The following ARID1B variants were observed in gnomAD, a reference collection of about 807,000 sequenced individuals.
ARID1B encodes AT-rich interaction domain 1B, also known as AT-rich interactive domain-containing protein 1B.
In ARID1B, 30 loss-of-function variants were observed where a neutral mutation model predicts 212.3. The observed-to-expected ratio is 0.14, with a 90% CI of 0.11 to 0.19. The LOEUF (loss-of-function observed/expected upper bound fraction) is 0.19, where lower values mean the gene tolerates loss of function less well. Among genes scored for constraint, ARID1B ranks in the 10% least tolerant of loss-of-function variants. ARID1B has a pLI of 1.00. For synonymous variants in ARID1B, 1,402 were observed against 1,301.7 expected, an observed-to-expected ratio of 1.08 and a Z score of -1.66; for missense variants, 2,891 against 3,204.0, an observed-to-expected ratio of 0.90 and a Z score of 2.36.
intron 3 of ARID1B, among the ~76,000 whole-genome samples, chr6:156,906,762 C>T (rs1431761910): frequency 6.6e-6 from 1 of 152,088 alleles, no homozygotes; most frequent in Non-Finnish European, 1.5e-5. Context: ...GCCTCTCCTG[C>T]ATGGGATAGC....
intron 4 of ARID1B, among the ~76,000 whole-genome samples, chr6:156,998,817 A>G (rs1291773479): frequency 6.6e-6 from 1 of 152,232 alleles, no homozygotes; most frequent in Non-Finnish European, 1.5e-5. Flanking sequence ...CTGTGATAAA[A>G]TGGTAACTCC....
intron 1 of ARID1B, among the ~76,000 whole-genome samples, chr6:156,813,004 A>C (rs1781684473): frequency 6.8e-6 from 1 of 147,814 alleles, no homozygotes. Flanking sequence ...ATGTATATAC[A>C]TATATATACA....
chr6:156,979,564 G>GT (rs10707720), intron 4 of ARID1B, among the ~76,000 whole-genome samples: 32,335 of 147,544 alleles, frequency 0.22, 3,714 homozygotes, highest in East Asian at 0.41. Context: ...AGCTGTTGCT[G>GT]TTTTTTTTTT....
At chr6:156,809,718 A>C (rs976210195) in intron 1 of ARID1B, among the ~76,000 whole-genome samples, 1 of 151,228 alleles carries the variant, frequency 6.6e-6, no homozygotes, top group African/African-American at 2.4e-5. Context: ...TCAAAGAAAA[A>C]AAAAAAAAAA....
chr6:156,872,235 A>T (rs1786190908), intron 2 of ARID1B, among the ~76,000 whole-genome samples: 1 of 152,232 alleles, frequency 6.6e-6, no homozygotes, highest in Non-Finnish European at 1.5e-5. Context: ...CAGGTTGCCT[A>T]GGACCTGGCA....
chr6:157,006,089 T>C (rs1457958790), intron 4 of ARID1B, among the ~76,000 whole-genome samples: 1 of 152,142 alleles, frequency 6.6e-6, no homozygotes, highest in African/African-American at 2.4e-5. Context: ...CCTTTGCCCT[T>C]GGTATTCCGT....
chr6:156,929,910 A>C (rs1409095484), intron 3 of ARID1B, among the ~76,000 whole-genome samples: 7 of 134,066 alleles, frequency 5.2e-5, no homozygotes, highest in Admixed American at 4.8e-4. Context: ...TATGCTCTTA[A>C]ATTCTTTTTT....
chr6:157,065,140 C>G (rs1280097503), intron 4 of ARID1B, among the ~76,000 whole-genome samples: 3 of 152,184 alleles, frequency 2.0e-5, no homozygotes, highest in Non-Finnish European at 4.4e-5. Flanking sequence ...ACGTCCCTAT[C>G]TAACCCATAC....
chr6:157,201,168 C>T lies in ARID1B; in HGVS notation c.4943C>T (p.Ser1648Phe). 1 of 1,614,124 alleles carries T rather than the reference C, an allele frequency of 6.2e-7. No homozygotes were observed. The highest frequency in any genetic ancestry group is 8.5e-7 in the Non-Finnish European group (1 of 1,179,990). The change falls in exon 18 of 20, where the codon TCC becomes TTC. Residue 1648 changes from serine to phenylalanine, a missense_variant. Ser to Phe is a radical substitution (Grantham distance 155, BLOSUM62 -2). Coordinates refer to ENST00000636930, the MANE Select transcript of ARID1B (RefSeq NM_001374828.1). This position sits in a 1 kb window ranked among gnomAD's most constrained non-coding sequence, Gnocchi z 5.2. Reference sequence around the variant, plus strand: ...AGCCAGCGTCAGCCTTATATGTCGTCCTCAGCCTCCATGCAGCCCATCACA... The same window carrying T: ...AGCCAGCGTCAGCCTTATATGTCGTTCTCAGCCTCCATGCAGCCCATCACA... ...HVSQRQPYMS[S>F]SASMQPITRP...
At chr6:156,781,968 G>C (rs543138980) in intron 1 of ARID1B, among the ~76,000 whole-genome samples, 1 of 127,706 alleles carries the variant, frequency 7.8e-6, no homozygotes, top group East Asian at 2.2e-4. Flanking sequence ...TGACCCTTGG[G>C]AATAGGCTTT....
At chr6:156,886,238 G>T (rs184037793) in intron 2 of ARID1B, among the ~76,000 whole-genome samples, 2 of 152,248 alleles carry the variant, frequency 1.3e-5, no homozygotes, top group Non-Finnish European at 2.9e-5. Flanking sequence ...TGTCGCCCAG[G>T]CTGGAGTGCA....
intron 2 of ARID1B, among the ~76,000 whole-genome samples, chr6:156,848,828 G>C (rs79833065): frequency 6.6e-6 from 1 of 152,174 alleles, no homozygotes; most frequent in Non-Finnish European, 1.5e-5. Flanking sequence ...CTGCTGCCTC[G>C]CTAAGTCTTA....
At chr6:157,079,333 C>G (rs1784493869) in intron 4 of ARID1B, among the ~76,000 whole-genome samples, 1 of 152,154 alleles carries the variant, frequency 6.6e-6, no homozygotes, top group South Asian at 2.1e-4. Context: ...GACATAAACA[C>G]TATTACAACA....
At chr6:157,157,721 T>C (rs932397169) in intron 8 of ARID1B, among the ~76,000 whole-genome samples, 1 of 152,324 alleles carries the variant, frequency 6.6e-6, no homozygotes, top group Admixed American at 6.5e-5. Flanking sequence ...TGCCATTATA[T>C]AGATTTAAAA....
intron 4 of ARID1B, among the ~76,000 whole-genome samples, chr6:156,970,024 ATTAT>A (rs1476951140): frequency 6.6e-6 from 1 of 151,172 alleles, no homozygotes; most frequent in Non-Finnish European, 1.5e-5. Flanking sequence ...TTTGTATTTA[ATTAT>A]TAAGAATAAA....
intron 1 of ARID1B, among the ~76,000 whole-genome samples, chr6:156,788,228 C>T (rs1779775929): frequency 6.6e-6 from 1 of 152,074 alleles, no homozygotes; most frequent in African/African-American, 2.4e-5. Flanking sequence ...CACACTAGAT[C>T]CCAGACATAT....
intron 4 of ARID1B, among the ~76,000 whole-genome samples, chr6:157,084,158 T>G (rs1784816833): frequency 7.0e-6 from 1 of 142,922 alleles, no homozygotes; most frequent in African/African-American, 2.6e-5. Context: ...AAAAAAAAAC[T>G]TTCTCATCAC....
At chr6:157,063,047 A>T (rs996734607) in intron 4 of ARID1B, among the ~76,000 whole-genome samples, 7 of 152,134 alleles carry the variant, frequency 4.6e-5, no homozygotes, top group Admixed American at 2.6e-4. Flanking sequence ...CAGAATGAGA[A>T]TGGATGGGTC....
At chr6:156,821,760 G>A (rs1782370115) in intron 1 of ARID1B, among the ~76,000 whole-genome samples, 1 of 152,188 alleles carries the variant, frequency 6.6e-6, no homozygotes. Flanking sequence ...TAGATTCCAT[G>A]AACTCCTCTG....
Sources: gnomAD v4.1 joint callset for allele counts (sites outside exome capture counted in the v4.1 genomes callset) on GRCh38, gnomAD v4.1.1 for gene constraint, Gnocchi (gnomAD v3.1) non-coding constraint, MANE v1.5 for transcripts, NCBI Gene and HGNC (gene_info 2026-07-23, HGNC 2026-07-21) for gene names.